The following CEP128 variants were observed in gnomAD, a reference collection of about 807,000 sequenced individuals.
CEP128 encodes centrosomal protein 128kDa.
CEP128 carries 132 observed loss-of-function variants against 156.7 expected under a neutral mutation model. That is an observed-to-expected ratio of 0.84 (90% CI 0.73 to 0.97). CEP128 has a LOEUF of 0.97. Ranked by LOEUF, CEP128 falls within the 50% of genes least tolerant of loss-of-function variation. CEP128 has a pLI of 0.00. For synonymous variants in CEP128, 469 were observed against 448.9 expected (o/e 1.04, Z -0.57); for missense variants, 1,252 against 1,281.9 (o/e 0.98, Z 0.36).
intron 19 of CEP128, among the ~76,000 whole-genome samples, chr14:80,742,067 TC>T (rs59021455): frequency 6.6e-6 from 1 of 152,290 alleles, no homozygotes; most frequent in African/African-American, 2.4e-5. Context: ...TATTTATAAG[TC>T]CTCAACTTTA....
intron 18 of CEP128, among the ~76,000 whole-genome samples, chr14:80,752,140 T>C (rs944114503): frequency 6.6e-6 from 1 of 152,194 alleles, no homozygotes; most frequent in Non-Finnish European, 1.5e-5. Flanking sequence ...AAAAAGATTA[T>C]AGCTTATAAA....
At chr14:80,539,738 A>G (rs760162697) in intron 21 of CEP128, among the ~76,000 whole-genome samples, 4 of 151,072 alleles carry the variant, frequency 2.6e-5, no homozygotes, top group Non-Finnish European at 4.4e-5. Context: ...TCTTGCAGAG[A>G]GCGTATAAAC....
chr14:80,638,232 C>G (rs982837373), intron 19 of CEP128, among the ~76,000 whole-genome samples: 2 of 152,100 alleles, frequency 1.3e-5, no homozygotes, highest in Admixed American at 6.6e-5. Flanking sequence ...ATAGTTCCTC[C>G]AAGTGTCATT....
intron 17 of CEP128, among the ~76,000 whole-genome samples, chr14:80,758,414 C>T (rs559661202): frequency 1.4e-4 from 21 of 151,052 alleles, no homozygotes; most frequent in Admixed American, 9.9e-4. Context: ...CCCAGCTACT[C>T]GGGAGGCTGA....
intron 8 of CEP128, among the ~76,000 whole-genome samples, chr14:80,866,671 A>C (rs892398298): frequency 5.9e-5 from 9 of 152,248 alleles, no homozygotes; most frequent in African/African-American, 2.2e-4. Context: ...AGTCTGGAAG[A>C]AGTGCCTGCT....
Position 80,785,470 on chromosome 14 carries a change from A to G in CEP128, c.1636T>C (p.Leu546=), listed in dbSNP as rs1283601509. ...GCACGCTTTGTTAGGACATCATTCA[A>G]TTCCTTTCGAAGATTCTCTATTTGT... The part of the protein sequence containing the change: ...LQQIENLRKE[L]NDVLTKRALQ... Residue 546 remains leucine (L), a synonymous_variant, in exon 15 of 25, where the codon TTG becomes CTG. Transcript: ENST00000555265. 2 of 1,613,698 alleles carry G rather than the reference A, an allele frequency of 1.2e-6. No homozygotes were observed. Among genetic ancestry groups the G allele is most frequent in the Non-Finnish European group, 1.7e-6 (2 of 1,179,882 alleles).
chr14:80,878,372 C>T (rs1888380666), intron 8 of CEP128, among the ~76,000 whole-genome samples: 1 of 152,188 alleles, frequency 6.6e-6, no homozygotes, highest in Admixed American at 6.5e-5. Flanking sequence ...CTCACCTCTT[C>T]AAGGAATGGA....
At position 80,528,485 on chromosome 14, in the gene CEP128, A is replaced by G. The variant is rs151023165; in HGVS notation, c.2959-1503T>C. Among the ~76,000 whole-genome samples the G allele has an allele frequency of 5.0e-3, 754 of 152,244 alleles. 7 individuals carry two copies. The highest frequency in any genetic ancestry group is 0.016 in the African/African-American group (684 of 41,546). Reference sequence around the variant, plus strand: ...GTGTTTTTAGTAGAGACGGGCTTTCACCATGCTGGTCAGGCTGGTCTTGAA... The same window carrying G: ...GTGTTTTTAGTAGAGACGGGCTTTCGCCATGCTGGTCAGGCTGGTCTTGAA... On this transcript the variant is annotated intron_variant, in intron 22 of 24. Transcript: ENST00000555265.
At position 80,580,400 on chromosome 14, in the gene CEP128, T is replaced by C; in HGVS notation, c.2830A>G (p.Lys944Glu). The change falls in exon 20 of 25, where the codon AAA becomes GAA. Residue 944 changes from lysine (K) to glutamate (E), a missense_variant. Transcript: ENST00000555265. ...TGCAGAGATCCCATTTCTTCATCTT[T>C]TCTTTGGGTCTCTTCCAGTAGATCT... ...KRDLLEETQR[K>E]DEEMGSLQDR... 2 of 1,601,336 alleles carry C rather than the reference T, an allele frequency of 1.2e-6. No individual in the cohort carries two copies. The highest frequency in any genetic ancestry group is 1.7e-6 in the Non-Finnish European group (2 of 1,169,934).
At chr14:80,895,338 C>G (rs1889295894) in intron 8 of CEP128, among the ~76,000 whole-genome samples, 1 of 152,008 alleles carries the variant, frequency 6.6e-6, no homozygotes, top group Non-Finnish European at 1.5e-5. Context: ...GCTACAAAAC[C>G]ACTGTGAAAG....
intron 19 of CEP128, among the ~76,000 whole-genome samples, chr14:80,595,539 T>C (rs1164563467): frequency 1.3e-5 from 2 of 152,188 alleles, no homozygotes; most frequent in African/African-American, 2.4e-5. Flanking sequence ...AATTTGATGA[T>C]ATGGTGGTAT....
intron 18 of CEP128, among the ~76,000 whole-genome samples, chr14:80,750,640 G>A (rs907454707): frequency 2.6e-5 from 4 of 152,090 alleles, no homozygotes; most frequent in African/African-American, 9.7e-5. Flanking sequence ...CTCCATCCCA[G>A]TCTTTCACCT....
At chr14:80,794,014 CAAT>C (rs555305977) in intron 13 of CEP128, among the ~76,000 whole-genome samples, 155 of 152,254 alleles carry the variant, frequency 1.0e-3, no homozygotes, top group African/African-American at 3.6e-3. Flanking sequence ...AAAGCACTTA[CAAT>C]GAGTCACATA....
chr14:80,646,892 C>A (rs1291905483), intron 19 of CEP128, among the ~76,000 whole-genome samples: 1 of 150,412 alleles, frequency 6.6e-6, no homozygotes, highest in African/African-American at 2.4e-5. Flanking sequence ...CTGAAATGAA[C>A]ATTCAGATAT....
intron 21 of CEP128, among the ~76,000 whole-genome samples, chr14:80,539,920 G>A (rs533697745): frequency 2.0e-5 from 3 of 152,244 alleles, no homozygotes; most frequent in Non-Finnish European, 4.4e-5. Context: ...GTCTCCTGCA[G>A]TACCCTCAGG....
At chr14:80,775,890 T>C (rs1223951609) in intron 16 of CEP128, among the ~76,000 whole-genome samples, 1 of 152,222 alleles carries the variant, frequency 6.6e-6, no homozygotes, top group Non-Finnish European at 1.5e-5. Context: ...TGGAGTGCAG[T>C]GGCACGATCT....
chr14:80,552,266 G>A (rs765357547), intron 21 of CEP128, among the ~76,000 whole-genome samples: 144 of 151,200 alleles, frequency 9.5e-4, no homozygotes, highest in Admixed American at 1.6e-3. Flanking sequence ...CTGAGATGGC[G>A]CTACTGCACC....
intron 8 of CEP128, among the ~76,000 whole-genome samples, chr14:80,865,545 G>A (rs912159064): frequency 2.6e-5 from 4 of 152,122 alleles, no homozygotes; most frequent in Non-Finnish European, 5.9e-5. Context: ...AATGATCCAT[G>A]CTTCTTGGTA....
At chr14:80,634,264 G>A (rs1894088783) in intron 19 of CEP128, among the ~76,000 whole-genome samples, 1 of 152,188 alleles carries the variant, frequency 6.6e-6, no homozygotes. Context: ...TGCCAACTTT[G>A]ACTTTACACT....
Sources: allele counts gnomAD v4.1 joint callset (sites outside exome capture counted in the v4.1 genomes callset), GRCh38; gene constraint gnomAD v4.1.1; transcripts MANE v1.5; gene names NCBI Gene and HGNC (gene_info 2026-07-23, HGNC 2026-07-21).